Variants in SMU1 observed in about 807,000 individuals in gnomAD.
SMU1 encodes SMU1 DNA replication regulator and spliceosomal factor.
A neutral mutation model predicts 62.0 loss-of-function variants in SMU1; 2 were observed. That is an observed-to-expected ratio of 0.03 (90% CI 0.01 to 0.10). The LOEUF (loss-of-function observed/expected upper bound fraction) is 0.10. SMU1 is among the 10% of genes least tolerant of loss of function. The probability of loss-of-function intolerance (pLI) is 1.00; values close to 1 mark genes in which losing one functional copy is unlikely to be tolerated. For synonymous variants in SMU1, 188 were observed against 212.4 expected (o/e 0.89, Z 1.00); for missense variants, 227 against 622.1 (o/e 0.36, Z 6.76).
intron 9 of SMU1, 60 bp downstream of exon 9, chr9:33,056,053 C>G (rs1839300191): frequency 6.6e-7 from 1 of 1,525,422 alleles, no homozygotes; most frequent in Non-Finnish European, 8.9e-7. Context: ...CCACTGAAAA[C>G]TCCTCAAAGG....
intron 3 of SMU1, among the ~76,000 whole-genome samples, chr9:33,069,697 G>A (rs1257991888): frequency 6.6e-6 from 1 of 152,202 alleles, no homozygotes; most frequent in Non-Finnish European, 1.5e-5. Context: ...AGCTACTCGG[G>A]AGGCTGAGGC....
chr9:33,048,351 T>G (rs896047487), intron 10 of SMU1, 93 bp from the exon 11 acceptor site: 309 of 1,511,204 alleles, frequency 2.0e-4, no homozygotes, highest in Non-Finnish European at 2.7e-4. Flanking sequence ...ACGTTGTTAT[T>G]TTGCACTTTG....
chr9:33,059,771 A>C (rs1839342995), intron 6 of SMU1, among the ~76,000 whole-genome samples: 1 of 150,540 alleles, frequency 6.6e-6, no homozygotes, highest in African/African-American at 2.4e-5. Flanking sequence ...AGGCCCAGCT[A>C]ATTTTTTTTA....
At position 33,056,983 on chromosome 9, in the gene SMU1, AAAG is replaced by A. The variant is rs775508049; in HGVS notation, c.868-22_868-20del. ...TCCACACCTTTATTTGAAAAAAAAA[AAAG>A]AATTAAAAAAACCTTGTTAAGTGTC... On this transcript the variant is annotated intron_variant, in intron 7 of 11. Transcript: ENST00000397149. 3 of 1,591,506 alleles carry A rather than the reference AAAG, an allele frequency of 1.9e-6. No homozygotes were observed. The South Asian group carries it at 3.5e-5, about 18-fold the overall frequency.
chr9:33,071,074 C>T (rs1281250805), intron 3 of SMU1, among the ~76,000 whole-genome samples: 1 of 152,050 alleles, frequency 6.6e-6, no homozygotes, highest in East Asian at 1.9e-4. Context: ...CTCCATTTAC[C>T]CTCATTATGC....
chr9:33,075,483 TATG>T lies in SMU1; in HGVS notation c.26+1097_26+1099del, dbSNP rs141773506. 4.6e-3 allele frequency among the ~76,000 whole-genome samples: 697 copies of T among 152,332 alleles called. 5 individuals carry two copies. The highest frequency in any genetic ancestry group is 0.016 in the African/African-American group (651 of 41,580). On this transcript the variant is annotated intron_variant, in intron 1 of 11. Coordinates refer to ENST00000397149, the MANE Select transcript of SMU1 (RefSeq NM_018225.3). ...CAGACTTAGACCCCTGTTATTCTGC[TATG>T]ATACTATCTTCCTTAGCACATGTCC...
intron 4 of SMU1, among the ~76,000 whole-genome samples, chr9:33,066,019 C>T (rs1270478626): frequency 6.6e-6 from 1 of 152,182 alleles, no homozygotes; most frequent in African/African-American, 2.4e-5. Flanking sequence ...GCAGGAACTA[C>T]TCTCTGGAAA....
chr9:33,073,316 T>C (rs1051842347), intron 2 of SMU1, among the ~76,000 whole-genome samples: 1 of 152,092 alleles, frequency 6.6e-6, no homozygotes, highest in African/African-American at 2.4e-5. Flanking sequence ...GAGGAAGGAT[T>C]GATCCTGGAA....
At chr9:33,056,568 T>C (rs1476945114) in intron 8 of SMU1, among the ~76,000 whole-genome samples, 2 of 152,178 alleles carry the variant, frequency 1.3e-5, no homozygotes, top group Non-Finnish European at 2.9e-5. Flanking sequence ...AAAGTGATTA[T>C]GATGCAGGTA....
rs77520990 is a variant in SMU1 at position 33,056,623 on chromosome 9, C to T, written c.995+214G>A. Among the ~76,000 whole-genome samples the T allele has an allele frequency of 2.7e-3, 413 of 152,232 alleles. 2 individuals carry two copies. The highest frequency in any genetic ancestry group is 9.6e-3 in the African/African-American group (399 of 41,542). On this transcript the variant is annotated intron_variant, in intron 8 of 11. Transcript: ENST00000397149. ...TGAGAAACATGAAGCACTGCTACCCCCTTTCAAATGTCTCTTCTGGGTAAA... is the reference window on the plus strand; with the variant it reads ...TGAGAAACATGAAGCACTGCTACCCTCTTTCAAATGTCTCTTCTGGGTAAA...
chr9:33,048,381 T>G, intron 10 of SMU1, 123 bp from the exon 11 acceptor site: 1 of 1,201,150 alleles, frequency 8.3e-7, no homozygotes, highest in Non-Finnish European at 1.2e-6. Flanking sequence ...CATTTGTAAT[T>G]AGATCTCCAG....
At chr9:33,050,428 T>A (rs185869082) in intron 10 of SMU1, among the ~76,000 whole-genome samples, 2 of 151,682 alleles carry the variant, frequency 1.3e-5, no homozygotes, top group Non-Finnish European at 2.9e-5. Flanking sequence ...AATCTGCACA[T>A]GGATGTTTAT....
At chr9:33,076,342 G>T (rs1383964345) in intron 1 of SMU1, among the ~76,000 whole-genome samples, 1 of 152,182 alleles carries the variant, frequency 6.6e-6, no homozygotes, top group African/African-American at 2.4e-5. Flanking sequence ...ACTTAGGTCT[G>T]CAAGGTGTGT....
intron 10 of SMU1, among the ~76,000 whole-genome samples, 164 bp downstream of exon 10, chr9:33,052,959 A>G (rs1252784316): frequency 6.6e-6 from 1 of 152,252 alleles, no homozygotes; most frequent in Non-Finnish European, 1.5e-5. Context: ...TACCAAACAG[A>G]TGTTTTATGG....
chr9:33,056,264 G>T (rs1839302724), intron 8 of SMU1, 25 bp from the exon 9 acceptor site: 2 of 1,596,706 alleles, frequency 1.3e-6, no homozygotes, highest in African/African-American at 2.7e-5. Context: ...TAAATGAAAA[G>T]AACAATAAAT....
intron 4 of SMU1, among the ~76,000 whole-genome samples, chr9:33,065,909 C>T (rs533613326): frequency 6.6e-6 from 1 of 152,294 alleles, no homozygotes; most frequent in East Asian, 1.9e-4. Context: ...TCAGTGTACA[C>T]TGGTATGCTG....
intron 9 of SMU1, among the ~76,000 whole-genome samples, chr9:33,053,936 G>T (rs1234649204): frequency 6.6e-6 from 1 of 152,000 alleles, no homozygotes; most frequent in East Asian, 1.9e-4. Context: ...TTAGTTGTTT[G>T]TCAACACTGC....
chr9:33,059,584 CTGTTT>C (rs376541268), intron 6 of SMU1, among the ~76,000 whole-genome samples: 120 of 146,310 alleles, frequency 8.2e-4, no homozygotes, highest in Middle Eastern at 3.4e-3. Context: ...GGGCGAAACT[CTGTTT>C]TGTTTTGTTT....
chr9:33,059,285 G>A (rs1270372728), intron 6 of SMU1, among the ~76,000 whole-genome samples: 1 of 152,070 alleles, frequency 6.6e-6, no homozygotes, highest in African/African-American at 2.4e-5. Context: ...CACACACACA[G>A]GATATTCCAG....
Sources: allele counts gnomAD v4.1 joint callset (sites outside exome capture counted in the v4.1 genomes callset), GRCh38; gene constraint gnomAD v4.1.1; transcripts MANE v1.5; gene names NCBI Gene and HGNC (gene_info 2026-07-23, HGNC 2026-07-21).